MPND: variants seen among roughly 807,000 people sequenced by gnomAD.
MPND encodes the protein MPN domain-containing protein.
MPND carries 56 observed loss-of-function variants against 59.2 expected under a neutral mutation model. The ratio of observed to expected loss-of-function variants is 0.95; its 90% CI spans 0.76 to 1.18. MPND has a LOEUF of 1.18. Among genes scored for constraint, MPND ranks in the 50% most tolerant of loss-of-function variants. The probability of loss-of-function intolerance (pLI) is 0.00; values close to 1 mark genes in which losing one functional copy is unlikely to be tolerated. For synonymous variants in MPND, 323 were observed against 291.9 expected (o/e 1.11, Z -1.09); for missense variants, 671 against 676.0 (o/e 0.99, Z 0.08).
At chr19:4,357,475 G>A (rs758077942) in intron 9 of MPND, 40 bp from the exon 10 acceptor site, 13 of 1,609,930 alleles carry the variant, frequency 8.1e-6, no homozygotes, top group Middle Eastern at 1.7e-4. Flanking sequence ...TGGGCCAGCC[G>A]AGCCTCCCAG....
rs1972121422 is a variant in MPND at position 4,343,743 on chromosome 19, G to A, written c.43G>A (p.Glu15Lys). 2 of 1,208,488 alleles carry A rather than the reference G, an allele frequency of 1.7e-6. No homozygotes were observed. Among genetic ancestry groups the A allele is most frequent in the Non-Finnish European group, 2.1e-6 (2 of 972,464 alleles). The allele number at this position is 1,208,488 out of a possible 1,614,324, so 74.9% of individuals were successfully genotyped here. ...EPLSPAGGAGEEAPEEDEDEA... is the reference protein window; with the variant it reads ...EPLSPAGGAGKEAPEEDEDEA... Reference sequence around the variant, plus strand: ...GCTGTCCCCGGCGGGCGGTGCGGGCGAGGAGGCGCCGGAGGAGGACGAGGA... The same window carrying A: ...GCTGTCCCCGGCGGGCGGTGCGGGCAAGGAGGCGCCGGAGGAGGACGAGGA... The change falls in exon 2 of 13, where the codon GAG becomes AAG. Residue 15 changes from glutamate (E) to lysine (K), a missense_variant. Glu to Lys is a moderately conservative substitution (Grantham distance 56). Coordinates refer to ENST00000599840, the MANE Select transcript of MPND (RefSeq NM_001300862.2).
At chr19:4,358,634 A>C (rs1239242831) in intron 11 of MPND, among the ~76,000 whole-genome samples, 1 of 152,162 alleles carries the variant, frequency 6.6e-6, no homozygotes, top group Non-Finnish European at 1.5e-5. Flanking sequence ...CCAAGATAGA[A>C]AAGCTAGCCA....
At chr19:4,347,208 T>C (rs1037721251) in intron 3 of MPND, 3 of 151,748 alleles carry the variant, frequency 2.0e-5, no homozygotes, top group Non-Finnish European at 4.4e-5. Flanking sequence ...ACCTGTAGTA[T>C]CAAGAGTAAT....
chr19:4,346,587 T>C (rs1753510845), intron 3 of MPND, among the ~76,000 whole-genome samples: 1 of 152,014 alleles, frequency 6.6e-6, no homozygotes, highest in African/African-American at 2.4e-5. Context: ...CGGCTAATTT[T>C]TGGATTTTTA....
intron 3 of MPND, chr19:4,348,330 G>A (rs60284417): frequency 1.6e-5 from 2 of 122,560 alleles, no homozygotes; most frequent in Admixed American, 9.1e-5. Flanking sequence ...GCACAATCTA[G>A]GCTCACTGCA....
chr19:4,357,231 T>A (rs1972457099), intron 8 of MPND, 22 bp from the exon 9 acceptor site: 2 of 1,564,480 alleles, frequency 1.3e-6, no homozygotes, highest in Non-Finnish European at 1.7e-6. Flanking sequence ...CTGTGCCCGC[T>A]GAGCTGCGCC....
intron 10 of MPND, 22 bp downstream of exon 10, chr19:4,357,607 G>T: frequency 1.3e-6 from 2 of 1,595,370 alleles, no homozygotes; most frequent in Non-Finnish European, 1.7e-6. Flanking sequence ...TGTTGGGAGA[G>T]CCTGGGGGGC....
chr19:4,347,304 G>A (rs62129341), intron 3 of MPND: 6,136 of 150,016 alleles, frequency 0.041, 164 homozygotes, highest in South Asian at 0.098. Context: ...ACAGTGGCAC[G>A]ATCTCAGCTC....
chr19:4,348,867 G>A (rs1336800571), intron 3 of MPND: 2 of 162,194 alleles, frequency 1.2e-5, no homozygotes, highest in Non-Finnish European at 2.8e-5. Flanking sequence ...ATTTTGGCCA[G>A]GCTGGTCTTG....
At position 4,343,718 on chromosome 19, in the gene MPND, G is replaced by A; in HGVS notation, c.18G>A (p.Pro6=). The A allele has an allele frequency of 1.7e-6, 2 of 1,203,242 alleles. No individual in the cohort carries two copies. Among genetic ancestry groups the A allele is most frequent in the Non-Finnish European group, 2.1e-6 (2 of 969,756 alleles). 74.5% of individuals were successfully genotyped at this position (1,203,242 alleles called of 1,614,324 possible). Residue 6 remains proline (P), a synonymous_variant, in exon 2 of 13, where the codon CCG becomes CCA. Coordinates refer to ENST00000599840, the MANE Select transcript of MPND (RefSeq NM_001300862.2). MAAPE[P]LSPAGGAGEE... ...TCTCGCTGTCCGCAGCTCCGGAGCC[G>A]CTGTCCCCGGCGGGCGGTGCGGGCG...
chr19:4,347,366 G>C (rs566721676), intron 3 of MPND: 1 of 151,256 alleles, frequency 6.6e-6, no homozygotes, highest in African/African-American at 2.4e-5. Flanking sequence ...TCAGCCTCCC[G>C]AGTAGCTGGG....
Position 4,343,796 on chromosome 19 carries a change from G to A in MPND, c.96G>A (p.Arg32=), listed in dbSNP as rs1423076121. 175 of 1,209,386 alleles carry A rather than the reference G, an allele frequency of 1.4e-4. No homozygotes were observed. Among genetic ancestry groups the A allele is most frequent in the Non-Finnish European group, 1.8e-4 (172 of 973,530 alleles). 74.9% of individuals were successfully genotyped at this position (1,209,386 alleles called of 1,614,324 possible). ...AAGCGGAGGCCGAGGACCCTGAGCG[G>A]CCGAATGCGGGAGCGGGCGGTGGAC... ...EDEAEAEDPE[R]PNAGAGGGRS... Residue 32 remains arginine (R), a synonymous_variant, in exon 2 of 13, where the codon CGG becomes CGA. Transcript: ENST00000599840.
At position 4,343,965 on chromosome 19, in the gene MPND, G is replaced by A; in HGVS notation, c.265G>A (p.Gly89Ser). 7.2e-7 allele frequency: 1 copy of A among 1,385,084 alleles called. No homozygotes were observed. The highest frequency in any genetic ancestry group is 9.4e-7 in the Non-Finnish European group (1 of 1,068,652). The allele number at this position is 1,385,084 out of a possible 1,614,324, so 85.8% of individuals were successfully genotyped here. A position where few individuals can be genotyped will look rare whatever the true frequency, so the allele number is the denominator to read the frequency against. The change falls in exon 2 of 13, where the codon GGC becomes AGC. Residue 89 changes from glycine to serine, a missense_variant. Physicochemically the swap from Gly to Ser is moderately conservative, Grantham distance 56. Transcript: ENST00000599840. ...VLLKDALLEP[G>S]AGVLSIYYLG... ...CCTCAAAGACGCGCTGCTGGAGCCT[G>A]GCGCCGGGGTGCTGTCCATCTACTA...
chr19:4,344,708 G>A (rs534079857), intron 2 of MPND, among the ~76,000 whole-genome samples: 215 of 151,288 alleles, frequency 1.4e-3, no homozygotes, highest in Middle Eastern at 3.4e-3. Flanking sequence ...CACATGGTAA[G>A]CACTTTATCT....
At position 4,345,969 on chromosome 19, in the gene MPND, G is replaced by C; in HGVS notation, c.519G>C (p.Thr173=). ...TGCACCAGCTGCACACGCCTGCCAC[G>C]GCTGCTGATGAGGTACGTGCTGCAG... is the stretch of plus-strand genomic sequence containing the variant. ...LRLHQLHTPA[T]AADESPASEG... is the part of the protein sequence containing the mutation. The change falls in exon 3 of 13, where the codon ACG becomes ACC. Residue 173 remains threonine, a synonymous_variant. Coordinates refer to ENST00000599840, the MANE Select transcript of MPND (RefSeq NM_001300862.2). 1 of 1,612,044 alleles carries C rather than the reference G, an allele frequency of 6.2e-7. No individual in the cohort carries two copies. Among genetic ancestry groups the C allele is most frequent in the Non-Finnish European group, 8.5e-7 (1 of 1,179,410 alleles).
intron 11 of MPND, 107 bp downstream of exon 11, chr19:4,358,279 C>T (rs892656999): frequency 6.0e-5 from 59 of 991,174 alleles, no homozygotes; most frequent in Non-Finnish European, 5.8e-5. Context: ...TGGCTGGTGG[C>T]GCCTTGGGGG....
intron 6 of MPND, 51 bp downstream of exon 6, chr19:4,354,471 G>A (rs1168028349): frequency 1.4e-6 from 2 of 1,471,448 alleles, no homozygotes; most frequent in Non-Finnish European, 1.9e-6. Context: ...CCCAGTCGGT[G>A]GGCAGCGGGC....
At chr19:4,350,577 G>A (rs1364903701) in intron 3 of MPND, among the ~76,000 whole-genome samples, 1 of 152,196 alleles carries the variant, frequency 6.6e-6, no homozygotes, top group African/African-American at 2.4e-5. Context: ...GGTATTTTTG[G>A]AAGTGTATCC....
rs149363974 is a variant in MPND, at chr19:4,352,081, G to A, written c.532-816G>A. On this transcript the variant is annotated intron_variant, in intron 3 of 12. Transcript: ENST00000599840. ...CCAGCTACTCAGGAGGCTGAGGCAAGAGAATGGCTTGAACCCGGAAGGCAG... is the reference window on the plus strand; with the variant it reads ...CCAGCTACTCAGGAGGCTGAGGCAAAAGAATGGCTTGAACCCGGAAGGCAG... Among the ~76,000 whole-genome samples the A allele has an allele frequency of 3.2e-3, 481 of 151,876 alleles. 8 individuals carry two copies. The highest frequency in any genetic ancestry group is 0.01 in the African/African-American group (415 of 41,402).
Sources: allele counts gnomAD v4.1 joint callset (sites outside exome capture counted in the v4.1 genomes callset), GRCh38; gene constraint gnomAD v4.1.1; transcripts MANE v1.5; gene names NCBI Gene and HGNC (gene_info 2026-07-23, HGNC 2026-07-21).